The following CDC123 variants were observed in gnomAD, a reference collection of about 807,000 sequenced individuals.
The protein encoded by CDC123 is cell division cycle 123.
A neutral mutation model predicts 54.4 loss-of-function variants in CDC123; 37 were observed. The ratio of observed to expected loss-of-function variants is 0.68; its 90% CI spans 0.52 to 0.89. CDC123 has a LOEUF of 0.89. Among genes scored for constraint, CDC123 ranks in the 40% least tolerant of loss-of-function variants. CDC123 has a pLI of 0.00. For missense variants in CDC123, 361 were observed against 412.1 expected (o/e 0.88, Z 1.07); for synonymous variants, 144 against 136.8 (o/e 1.05, Z -0.37).
At chr10:12,196,412 C>T (rs1269742954) in intron 1 of CDC123, 93 bp downstream of exon 1, 21 of 1,499,534 alleles carry the variant, frequency 1.4e-5, no homozygotes, top group South Asian at 1.3e-4. Context: ...TGCAGGCCTT[C>T]TAGCGACTGC....
intron 10 of CDC123, among the ~76,000 whole-genome samples, chr10:12,244,374 G>A (rs925174996): frequency 5.9e-5 from 9 of 152,240 alleles, no homozygotes; most frequent in African/African-American, 1.2e-4. Flanking sequence ...TAAACCTTTC[G>A]AGGAAACATC....
chr10:12,240,315 C>T (rs1330969148), intron 10 of CDC123, among the ~76,000 whole-genome samples: 2 of 152,112 alleles, frequency 1.3e-5, no homozygotes, highest in African/African-American at 2.4e-5. Flanking sequence ...CTAGCAGATG[C>T]GTTTTCCCGT....
chr10:12,233,295 A>G (rs1835928134), intron 7 of CDC123, among the ~76,000 whole-genome samples: 1 of 151,290 alleles, frequency 6.6e-6, no homozygotes, highest in Non-Finnish European at 1.5e-5. Context: ...ACACACACAC[A>G]CACACACACA....
Position 12,248,534 on chromosome 10 carries a change from G to A in CDC123, c.847-1047G>A, listed in dbSNP as rs191699301. The stretch of plus-strand genomic sequence containing the variant: ...CTCAAAAAAAAAACAGGCCAGGTGC[G>A]GTGGCTCACACCTGTAATCCCAGTA... On this transcript the variant is annotated intron_variant, in intron 11 of 12. Transcript: ENST00000281141. Among the ~76,000 whole-genome samples, 477 of 135,534 alleles carry A rather than the reference G, an allele frequency of 3.5e-3. 7 individuals are homozygous for A. The highest frequency in any genetic ancestry group is 0.025 in the Admixed American group (341 of 13,656). 88.9% of individuals were successfully genotyped at this position (135,534 alleles called of 152,430 possible).
At chr10:12,200,119 C>CCTT (rs1564431631) in intron 2 of CDC123, among the ~76,000 whole-genome samples, 1 of 24,264 alleles carries the variant, frequency 4.1e-5, no homozygotes, top group African/African-American at 1.1e-4. Context: ...CCGCACTCGG[C>CCTT]ATTTTTTTTT....
intron 6 of CDC123, among the ~76,000 whole-genome samples, chr10:12,227,747 C>G (rs1835845868): frequency 6.6e-6 from 1 of 152,144 alleles, no homozygotes; most frequent in African/African-American, 2.4e-5. Flanking sequence ...CCGCCCACCT[C>G]AGCCTCCCAA....
chr10:12,248,720 C>T (rs1018100680), intron 11 of CDC123, among the ~76,000 whole-genome samples: 1 of 151,836 alleles, frequency 6.6e-6, no homozygotes, highest in Non-Finnish European at 1.5e-5. Flanking sequence ...GCAGGAGAAT[C>T]GCTTGAACCT....
chr10:12,232,423 C>G (rs1236950280), intron 7 of CDC123, among the ~76,000 whole-genome samples: 2 of 151,986 alleles, frequency 1.3e-5, no homozygotes, highest in Non-Finnish European at 2.9e-5. Flanking sequence ...CACATGCTTT[C>G]AAAATTTGTC....
At chr10:12,249,878 A>C (rs1564262401) in intron 12 of CDC123, 160 bp downstream of exon 12, 1 of 947,652 alleles carries the variant, frequency 1.1e-6, no homozygotes, top group African/African-American at 1.7e-5. Flanking sequence ...TAAATATGAA[A>C]TAGGAGCTGA....
chr10:12,219,599 A>G (rs1835706515), intron 6 of CDC123, among the ~76,000 whole-genome samples: 1 of 152,170 alleles, frequency 6.6e-6, no homozygotes, highest in Non-Finnish European at 1.5e-5. Flanking sequence ...TCTTTTTTCC[A>G]TTGTAAAGCT....
intron 6 of CDC123, among the ~76,000 whole-genome samples, chr10:12,226,235 C>T (rs760352918): frequency 7.9e-5 from 12 of 152,332 alleles, no homozygotes; most frequent in South Asian, 4.1e-4. Flanking sequence ...TCAACAAAAC[C>T]GCCATCGTCA....
chr10:12,237,855 C>T (rs1317952770), intron 9 of CDC123, among the ~76,000 whole-genome samples: 15 of 152,186 alleles, frequency 9.9e-5, no homozygotes, highest in Admixed American at 8.5e-4. Context: ...GTCTATCTAC[C>T]TTTCTAGCTT....
intron 9 of CDC123, 141 bp from the exon 10 acceptor site, chr10:12,238,316 G>A (rs1400825552): frequency 1.2e-6 from 1 of 866,704 alleles, no homozygotes; most frequent in Non-Finnish European, 1.7e-6. Flanking sequence ...TATGTTTGAA[G>A]TTTTGAGGTT....
intron 10 of CDC123, 148 bp downstream of exon 10, chr10:12,238,633 T>G (rs949628154): frequency 1.1e-6 from 1 of 936,214 alleles, no homozygotes. Flanking sequence ...CCCAGCACTT[T>G]GGGAGGCTTA....
intron 1 of CDC123, among the ~76,000 whole-genome samples, chr10:12,197,176 T>A: frequency 6.6e-6 from 1 of 152,232 alleles, no homozygotes. Context: ...GCTTGTTAGC[T>A]TTGTAAGAGT....
chr10:12,198,604 TAAAA>T (rs1181118273), intron 1 of CDC123, 97 bp from the exon 2 acceptor site: 2 of 721,386 alleles, frequency 2.8e-6, no homozygotes, highest in African/African-American at 3.6e-5. Flanking sequence ...TACTTTATAT[TAAAA>T]GAAAGACAAT....
intron 10 of CDC123, among the ~76,000 whole-genome samples, chr10:12,241,900 C>G (rs1007292584): frequency 3.9e-5 from 6 of 152,172 alleles, no homozygotes; most frequent in African/African-American, 9.7e-5. Flanking sequence ...TGTGGCCAGG[C>G]TGCTAGGAGA....
chr10:12,218,249 T>G (rs1343539378), intron 6 of CDC123, among the ~76,000 whole-genome samples: 1 of 136,876 alleles, frequency 7.3e-6, no homozygotes, highest in African/African-American at 3.0e-5. Context: ...TTTTTTTTCT[T>G]TTTTTTTTTT....
intron 6 of CDC123, among the ~76,000 whole-genome samples, chr10:12,228,719 C>T (rs962905212): frequency 5.9e-5 from 9 of 152,082 alleles, no homozygotes; most frequent in African/African-American, 2.2e-4. Context: ...TACAGGCATG[C>T]ACCACCACAC....
Sources: allele counts gnomAD v4.1 joint callset (sites outside exome capture counted in the v4.1 genomes callset), GRCh38; gene constraint gnomAD v4.1.1; transcripts MANE v1.5; gene names NCBI Gene and HGNC (gene_info 2026-07-23, HGNC 2026-07-21).